The following EEF1E1 variants were observed in gnomAD, a reference collection of about 807,000 sequenced individuals.
The protein encoded by EEF1E1 is eukaryotic translation elongation factor 1 epsilon-1.
A neutral mutation model predicts 19.9 loss-of-function variants in EEF1E1; 19 were observed. That is an observed-to-expected ratio of 0.95 (90% CI 0.66 to 1.40). The LOEUF (loss-of-function observed/expected upper bound fraction) is 1.40, where lower values mean the gene tolerates loss of function less well. Ranked by LOEUF, EEF1E1 falls within the 40% of genes most tolerant of loss-of-function variation. EEF1E1 has a pLI of 0.00. For synonymous variants in EEF1E1, 81 were observed against 80.0 expected, an observed-to-expected ratio of 1.01 and a Z score of -0.07; for missense variants, 198 against 202.2, an observed-to-expected ratio of 0.98 and a Z score of 0.13.
intron 2 of EEF1E1, among the ~76,000 whole-genome samples, chr6:8,097,019 G>A (rs1220280897): frequency 6.6e-6 from 1 of 152,180 alleles, no homozygotes; most frequent in Non-Finnish European, 1.5e-5. Context: ...TGCTGTGACT[G>A]CATATAGAAC....
At chr6:8,078,913 A>G (rs1757660702), downstream of EEF1E1, among the ~76,000 whole-genome samples, 1 of 152,184 alleles carries the variant, frequency 6.6e-6, no homozygotes, top group Non-Finnish European at 1.5e-5. Flanking sequence ...TGAAGGGTCC[A>G]CTGGTCAGAC....
chr6:8,099,431 T>C (rs866574493), intron 1 of EEF1E1, among the ~76,000 whole-genome samples: 3 of 152,136 alleles, frequency 2.0e-5, no homozygotes, highest in Non-Finnish European at 4.4e-5. Context: ...ATTTGTGAAG[T>C]AGGATAAACT....
Position 8,097,283 on chromosome 6 carries a change from A to ATG in EEF1E1, c.270_271dup (p.Ile91ThrfsTer6). On this transcript the variant is annotated frameshift_variant, in exon 2 of 4. Coordinates refer to ENST00000379715, the MANE Select transcript of EEF1E1 (RefSeq NM_004280.5). LOFTEE classifies it high-confidence loss of function. ...TCACGATACCTTCAACAGTGTGTGGATGTCATTTTTACTGGAGTGCCCATC... is the reference window on the plus strand; with the variant it reads ...TCACGATACCTTCAACAGTGTGTGGATGTGTCATTTTTACTGGAGTGCCCATC... The ATG allele has an allele frequency of 6.2e-7, 1 of 1,614,166 alleles. No individual in the cohort carries two copies.
At chr6:8,099,751 AACACACACACACACAC>A (rs1554099744) in intron 1 of EEF1E1, among the ~76,000 whole-genome samples, 3 of 92,966 alleles carry the variant, frequency 3.2e-5, no homozygotes, top group East Asian at 5.3e-4. Context: ...CCGCCTCAAA[AACACACACACACACAC>A]ACACACACAC....
intron 1 of EEF1E1, among the ~76,000 whole-genome samples, chr6:8,101,243 A>AATATATAT (rs1216617377): frequency 4.1e-4 from 24 of 58,430 alleles, no homozygotes; most frequent in African/African-American, 1.2e-3. Flanking sequence ...AAAAAAAAAA[A>AATATATAT]ATATATATAT....
At chr6:8,087,914 T>C (rs146178684) in intron 3 of EEF1E1, among the ~76,000 whole-genome samples, 24 of 151,982 alleles carry the variant, frequency 1.6e-4, no homozygotes, top group African/African-American at 5.8e-4. Context: ...AGGGGGAAGA[T>C]GGGTGTTGGG....
intron 2 of EEF1E1, among the ~76,000 whole-genome samples, chr6:8,096,160 G>T (rs1485051043): frequency 6.6e-6 from 1 of 152,238 alleles, no homozygotes; most frequent in South Asian, 2.1e-4. Context: ...TATAACTTTT[G>T]AATCTTATAA....
rs772043441 is a variant in EEF1E1, at chr6:8,079,932, A to G, written c.483T>C (p.Ser161=). The G allele has an allele frequency of 1.2e-6, 2 of 1,613,222 alleles. No homozygotes were observed. The highest frequency in any genetic ancestry group is 4.5e-5 in the East Asian group (2 of 44,860). The stretch of plus-strand genomic sequence containing the variant: ...ATAGTCTGTTCTTGATGAAGACAAC[A>G]CTAGACAGATGTTGCCTGATGCCTG... ...HYPGIRQHLS[S]VVFIKNRLYT... The change falls in exon 4 of 4, where the codon AGT becomes AGC. Residue 161 remains serine (S), a synonymous_variant. Coordinates refer to ENST00000379715, the MANE Select transcript of EEF1E1 (RefSeq NM_004280.5).
chr6:8,073,524 T>TA, intron 3 of EEF1E1: 1 of 1,551,572 alleles, frequency 6.4e-7, no homozygotes, highest in Non-Finnish European at 8.7e-7. Context: ...CAAAAGGGGA[T>TA]AAAAAAGGAG....
exon 4 of EEF1E1, chr6:8,073,417 C>A (rs1757527320): frequency 6.5e-7 from 1 of 1,548,168 alleles, no homozygotes; most frequent in African/African-American, 1.4e-5. Context: ...TAAGTTTGAG[C>A]CAGACATTTG....
At chr6:8,077,148 T>A (rs968107936), downstream of EEF1E1, among the ~76,000 whole-genome samples, 1 of 152,100 alleles carries the variant, frequency 6.6e-6, no homozygotes, top group African/African-American at 2.4e-5. Flanking sequence ...TTTCACCGTG[T>A]TAGCCAGGAT....
rs1554099258 is a variant in EEF1E1 at position 8,092,868 on chromosome 6, G to GTT, written c.289-2588_289-2587insAA. Among the ~76,000 whole-genome samples, 558 of 108,142 alleles carry GTT rather than the reference G, an allele frequency of 5.2e-3. 26 individuals are homozygous for GTT. Among genetic ancestry groups the GTT allele is most frequent in the African/African-American group, 9.3e-3 (248 of 26,718 alleles). 70.9% of individuals were successfully genotyped at this position (108,142 alleles called of 152,430 possible). A position where few individuals can be genotyped will look rare whatever the true frequency, so the allele number is the denominator to read the frequency against. On this transcript the variant is annotated intron_variant, in intron 2 of 3. Coordinates refer to ENST00000379715, the MANE Select transcript of EEF1E1 (RefSeq NM_004280.5). ...GTTTTGTGTTTTAGTGATAAAGACT[G>GTT]CTTTTTTTTTTTTTTTTTTTTTTTG...
intron 1 of EEF1E1, among the ~76,000 whole-genome samples, chr6:8,099,090 C>A (rs1242015064): frequency 3.3e-5 from 5 of 152,142 alleles, no homozygotes; most frequent in Admixed American, 6.5e-5. Context: ...CCTTTACATA[C>A]CCTAAAATAC....
At chr6:8,092,299 T>C (rs780093352) in intron 2 of EEF1E1, among the ~76,000 whole-genome samples, 5 of 152,274 alleles carry the variant, frequency 3.3e-5, no homozygotes, top group South Asian at 2.1e-4. Flanking sequence ...TTGCAGAATA[T>C]AGTGGTTCAG....
intron 3 of EEF1E1, among the ~76,000 whole-genome samples, chr6:8,083,874 C>T (rs1561882172): frequency 1.3e-5 from 2 of 152,138 alleles, no homozygotes; most frequent in South Asian, 4.1e-4. Flanking sequence ...TACCTTAACA[C>T]CTAGAAATCA....
At chr6:8,101,286 C>A (rs1292753322) in intron 1 of EEF1E1, among the ~76,000 whole-genome samples, 2 of 110,964 alleles carry the variant, frequency 1.8e-5, no homozygotes, top group Non-Finnish European at 3.4e-5. Context: ...ATATATATGG[C>A]ACTCTTCCAA....
chr6:8,091,850 T>C (rs759852548), intron 2 of EEF1E1, among the ~76,000 whole-genome samples: 13 of 152,222 alleles, frequency 8.5e-5, no homozygotes, highest in Non-Finnish European at 1.6e-4. Context: ...CCTTAAACTA[T>C]AGAGAGGGCA....
At chr6:8,074,250 G>GA in intron 3 of EEF1E1, among the ~76,000 whole-genome samples, 1 of 152,042 alleles carries the variant, frequency 6.6e-6, no homozygotes, top group East Asian at 1.9e-4. Context: ...TTTTACATGA[G>GA]AAAAAAACAA....
chr6:8,090,001 C>CT (rs1757972388), intron 3 of EEF1E1, 185 bp downstream of exon 3: 4 of 409,340 alleles, frequency 9.8e-6, no homozygotes, highest in South Asian at 2.7e-4. Context: ...TATTATTATA[C>CT]TTTAAGTTTT....
Sources: allele counts gnomAD v4.1 joint callset (sites outside exome capture counted in the v4.1 genomes callset), GRCh38; gene constraint gnomAD v4.1.1; transcripts MANE v1.5; gene names NCBI Gene and HGNC (gene_info 2026-07-23, HGNC 2026-07-21).